The following GRM8 variants were observed in gnomAD, a reference collection of about 807,000 sequenced individuals.
GRM8 encodes the protein glutamate metabotropic receptor 8.
In GRM8, 47 loss-of-function variants were observed where a neutral mutation model predicts 87.2. That is an observed-to-expected ratio of 0.54 (90% CI 0.43 to 0.69). GRM8 has a LOEUF of 0.69. Among genes scored for constraint, GRM8 ranks in the 30% least tolerant of loss-of-function variants. The pLI is 0.00. For missense variants in GRM8, 1,019 were observed against 1,139.2 expected (o/e 0.89, Z 1.52); for synonymous variants, 396 against 404.5 (o/e 0.98, Z 0.25).
chr7:126,611,777 C>A (rs1273241152), intron 7 of GRM8, among the ~76,000 whole-genome samples: 3 of 152,112 alleles, frequency 2.0e-5, no homozygotes, highest in Admixed American at 6.5e-5. Context: ...CATGAATATA[C>A]CCTAAGTTAT....
At chr7:126,607,796 C>A (rs1285974757) in intron 8 of GRM8, among the ~76,000 whole-genome samples, 1 of 151,732 alleles carries the variant, frequency 6.6e-6, no homozygotes, top group East Asian at 1.9e-4. Context: ...GCGCTGCACC[C>A]ACTAACTCGT....
intron 2 of GRM8, among the ~76,000 whole-genome samples, chr7:127,122,915 A>G (rs1475945953): frequency 6.6e-6 from 1 of 152,088 alleles, no homozygotes; most frequent in Non-Finnish European, 1.5e-5. Flanking sequence ...AAGACTAGGG[A>G]CTAAGGGTAA....
chr7:126,526,753 TTA>T (rs1307704627), intron 9 of GRM8, among the ~76,000 whole-genome samples: 1 of 152,156 alleles, frequency 6.6e-6, no homozygotes, highest in Non-Finnish European at 1.5e-5. Context: ...AAACAAAAAC[TTA>T]TATAAGGCAG....
chr7:126,525,044 G>T (rs1813621127), intron 9 of GRM8, among the ~76,000 whole-genome samples: 1 of 152,056 alleles, frequency 6.6e-6, no homozygotes, highest in African/African-American at 2.4e-5. Flanking sequence ...GTTTTCTGCA[G>T]TTAATCCTGC....
At chr7:126,825,726 T>A (rs1020714884) in intron 6 of GRM8, among the ~76,000 whole-genome samples, 1 of 152,156 alleles carries the variant, frequency 6.6e-6, no homozygotes, top group Non-Finnish European at 1.5e-5. Context: ...AACTTTTTTT[T>A]ATTATTATTA....
chr7:127,165,601 G>A (rs980704386), intron 2 of GRM8, among the ~76,000 whole-genome samples: 24 of 151,994 alleles, frequency 1.6e-4, no homozygotes, highest in Non-Finnish European at 2.8e-4. Context: ...CTTTGTCACC[G>A]CAACTTCTTC....
chr7:127,027,198 C>A (rs1816874680), intron 3 of GRM8, among the ~76,000 whole-genome samples: 1 of 152,102 alleles, frequency 6.6e-6, no homozygotes, highest in Non-Finnish European at 1.5e-5. Flanking sequence ...GTCTATATAT[C>A]TGTTTTGGTA....
chr7:126,553,651 A>C (rs2150936666), intron 8 of GRM8, among the ~76,000 whole-genome samples: 1 of 152,242 alleles, frequency 6.6e-6, no homozygotes, highest in Non-Finnish European at 1.5e-5. Context: ...TATATTAAGA[A>C]TATCACATGG....
intron 3 of GRM8, among the ~76,000 whole-genome samples, chr7:127,061,942 A>G (rs2132594152): frequency 6.6e-6 from 1 of 152,280 alleles, no homozygotes; most frequent in East Asian, 1.9e-4. Context: ...TTTTCAAAGC[A>G]GCTTCTTGAC....
intron 6 of GRM8, among the ~76,000 whole-genome samples, chr7:126,816,840 C>T (rs1793832307): frequency 1.3e-5 from 2 of 151,848 alleles, no homozygotes; most frequent in South Asian, 2.1e-4. Flanking sequence ...GGATTCATCA[C>T]CCAGTTGCAC....
At chr7:127,247,212 C>T (rs1798624656) in intron 1 of GRM8, among the ~76,000 whole-genome samples, 1 of 152,148 alleles carries the variant, frequency 6.6e-6, no homozygotes, top group African/African-American at 2.4e-5. Context: ...ACTTCTGCTC[C>T]AAATGAGGTC....
Position 126,587,823 on chromosome 7 carries a change from T to TA in GRM8, c.1494+21538dup, listed in dbSNP as rs375969798. Among the ~76,000 whole-genome samples the TA allele has an allele frequency of 1.9e-4, 25 of 129,570 alleles. No individual in the cohort carries two copies. The East Asian group carries it at 3.3e-3, about 17-fold the overall frequency. The allele number at this position is 129,570 out of a possible 152,430, so 85.0% of individuals were successfully genotyped here. A position where few individuals can be genotyped will look rare whatever the true frequency, so the allele number is the denominator to read the frequency against. ...ATGTGCCCTAGAACTTAAAGTATCATAAAAAAAAGAAAAAAAAGTAATGTG... is the reference window on the plus strand; with the variant it reads ...ATGTGCCCTAGAACTTAAAGTATCATAAAAAAAAAGAAAAAAAAGTAATGTG... On this transcript the variant is annotated intron_variant, in intron 8 of 10. Transcript: ENST00000339582.
chr7:127,202,185 CA>C (rs1563575334), intron 2 of GRM8, among the ~76,000 whole-genome samples: 1 of 18,296 alleles, frequency 5.5e-5, no homozygotes, highest in African/African-American at 2.4e-4. Flanking sequence ...CAGATTGTGT[CA>C]AAAAAGAAAA....
chr7:127,055,901 C>A (rs565834543), intron 3 of GRM8, among the ~76,000 whole-genome samples: 1 of 152,098 alleles, frequency 6.6e-6, no homozygotes, highest in East Asian at 1.9e-4. Context: ...AAAAACACAC[C>A]ATTAAAAATA....
At chr7:127,095,026 C>T (rs1419313937) in intron 3 of GRM8, among the ~76,000 whole-genome samples, 2 of 152,202 alleles carry the variant, frequency 1.3e-5, no homozygotes, top group African/African-American at 2.4e-5. Context: ...CATAGTCAAA[C>T]CTTACCAGCT....
At position 127,175,281 on chromosome 7, in the gene GRM8, A is replaced by G. The variant is rs17867094; in HGVS notation, c.510+67414T>C. Among the ~76,000 whole-genome samples, 181 of 152,334 alleles carry G rather than the reference A, an allele frequency of 1.2e-3. 3 individuals are homozygous for G. In the East Asian group the frequency reaches 0.031, roughly 26 times the overall value. ...ACTGAACATGGCTATAAAAAGAATCAGTGAGCTTGAAGATATGTCAATATA... is the reference window on the plus strand; with the variant it reads ...ACTGAACATGGCTATAAAAAGAATCGGTGAGCTTGAAGATATGTCAATATA... On this transcript the variant is annotated intron_variant, in intron 2 of 10. Transcript: ENST00000339582.
At chr7:127,041,464 T>C (rs766202071) in intron 3 of GRM8, among the ~76,000 whole-genome samples, 5 of 152,212 alleles carry the variant, frequency 3.3e-5, no homozygotes, top group Non-Finnish European at 7.3e-5. Context: ...AATTCATTCA[T>C]TTAGAGCCAA....
chr7:126,638,118 T>A (rs574933176), intron 7 of GRM8, among the ~76,000 whole-genome samples: 11 of 152,310 alleles, frequency 7.2e-5, no homozygotes, highest in East Asian at 1.9e-4. Context: ...ATGATTTTTT[T>A]AAATAATACA....
chr7:127,014,883 A>G (rs752040079), intron 3 of GRM8, among the ~76,000 whole-genome samples: 3 of 150,328 alleles, frequency 2.0e-5, no homozygotes, highest in Non-Finnish European at 4.4e-5. Flanking sequence ...ACCGCTTCAT[A>G]CTTCAGGCAC....
Sources: allele counts gnomAD v4.1 joint callset (sites outside exome capture counted in the v4.1 genomes callset), GRCh38; gene constraint gnomAD v4.1.1; transcripts MANE v1.5; gene names NCBI Gene and HGNC (gene_info 2026-07-23, HGNC 2026-07-21).